The following SMURF1 variants were observed in gnomAD, a reference collection of about 807,000 sequenced individuals.
SMURF1 encodes E3 ubiquitin-protein ligase SMURF1.
In SMURF1, 44 loss-of-function variants were observed where a neutral mutation model predicts 98.0. That is an observed-to-expected ratio of 0.45 (90% CI 0.35 to 0.58). SMURF1 has a LOEUF of 0.58. Among genes scored for constraint, SMURF1 ranks in the 20% least tolerant of loss-of-function variants. The pLI is 0.00. For synonymous variants in SMURF1, 396 were observed against 374.9 expected (o/e 1.06, Z -0.65); for missense variants, 687 against 938.4 (o/e 0.73, Z 3.50).
At chr7:99,089,012 T>C (rs984221035) in intron 1 of SMURF1, among the ~76,000 whole-genome samples, 7 of 152,070 alleles carry the variant, frequency 4.6e-5, no homozygotes, top group Non-Finnish European at 1.5e-5. Context: ...GAGACCATCC[T>C]GGCAAACATG....
At chr7:99,045,959 CCAT>C (rs150915616) in intron 10 of SMURF1, among the ~76,000 whole-genome samples, 158 bp from the exon 11 acceptor site, 1,721 of 151,908 alleles carry the variant, frequency 0.011, 36 homozygotes, top group African/African-American at 0.04. Context: ...CTAGTATATT[CCAT>C]CATCTTTTTT....
rs1554453237 is a variant in SMURF1 at position 99,144,015 on chromosome 7, A to AGCCGCCGCCGCCTCC, written c.-250_-236dup. On this transcript the variant is annotated 5_prime_UTR_variant, in exon 1 of 18. Transcript: ENST00000361368. ...CTGCTTCCAGCCGAGCCCAGTCCCG[A>AGCCGCCGCCGCCTCC]GCCGCCGCCGCCTCCGCCGCCGCCT... 3.3e-6 allele frequency: 1 copy of AGCCGCCGCCGCCTCC among 303,084 alleles called. No homozygotes were observed. Among genetic ancestry groups the AGCCGCCGCCGCCTCC allele is most frequent in the African/African-American group, 2.3e-5 (1 of 42,964 alleles). 18.8% of individuals were successfully genotyped at this position (303,084 alleles called of 1,614,324 possible).
At chr7:99,133,677 G>C (rs1797924411) in intron 1 of SMURF1, among the ~76,000 whole-genome samples, 1 of 152,144 alleles carries the variant, frequency 6.6e-6, no homozygotes, top group Admixed American at 6.6e-5. Flanking sequence ...CAACAGAAGT[G>C]TATGCAAATA....
intron 10 of SMURF1, 121 bp from the exon 11 acceptor site, chr7:99,045,922 C>A: frequency 1.4e-6 from 1 of 704,296 alleles, no homozygotes; most frequent in Non-Finnish European, 2.5e-6. Context: ...TTTTATCTGG[C>A]TCCTCATCAG....
chr7:99,048,724 G>A (rs911124865), intron 9 of SMURF1: 1 of 152,220 alleles, frequency 6.6e-6, no homozygotes, highest in Admixed American at 6.5e-5. Flanking sequence ...AAAGGAGTAG[G>A]ATTAGTACGG....
chr7:99,041,616 G>A (rs747830619), intron 12 of SMURF1, among the ~76,000 whole-genome samples: 3 of 152,250 alleles, frequency 2.0e-5, no homozygotes, highest in Non-Finnish European at 4.4e-5. Flanking sequence ...GGTGAAGGCC[G>A]TGGTGCCACA....
intron 1 of SMURF1, among the ~76,000 whole-genome samples, chr7:99,125,033 G>A (rs1797714950): frequency 6.6e-6 from 1 of 151,364 alleles, no homozygotes; most frequent in South Asian, 2.1e-4. Context: ...ACAACCTAGA[G>A]CATAGTAGTT....
rs1281105661 is a variant in SMURF1 at position 99,038,411 on chromosome 7, C to T, written c.1665G>A (p.Glu555=). The T allele has an allele frequency of 1.2e-6, 2 of 1,614,246 alleles. No homozygotes were observed. Among genetic ancestry groups the T allele is most frequent in the African/African-American group, 1.3e-5 (1 of 75,072 alleles). ...KPNGRNVPVT[E]ENKKEYVRLY... is the part of the protein sequence containing the mutation. ...ACCGGACGTATTCTTTCTTATTCTC[C>T]TCTGTGACTGGCACATTTCTGCCAT... Residue 555 remains glutamate, a synonymous_variant, in exon 14 of 18, where the codon GAG becomes GAA. Coordinates refer to ENST00000361368, the MANE Select transcript of SMURF1 (RefSeq NM_181349.3).
chr7:99,036,858 C>A (rs912552712), intron 15 of SMURF1, among the ~76,000 whole-genome samples: 4 of 152,152 alleles, frequency 2.6e-5, no homozygotes, highest in African/African-American at 9.7e-5. Context: ...AGATTTCCTA[C>A]CGCCAAGCAG....
intron 1 of SMURF1, among the ~76,000 whole-genome samples, chr7:99,112,187 G>A (rs1423173942): frequency 6.6e-6 from 1 of 152,136 alleles, no homozygotes; most frequent in Non-Finnish European, 1.5e-5. Flanking sequence ...ACCTAAGAGG[G>A]CCCTAAGCTC....
Position 99,143,805 on chromosome 7 carries a change from CG to C in SMURF1, c.-26del. ...TCTCCCGCCAACGATCGGGCAGCCG[CG>C]GATCCAGCGCCACCGCCCCCCAGCC... On this transcript the variant is annotated 5_prime_UTR_variant, in exon 1 of 18. Transcript: ENST00000361368. The C allele has an allele frequency of 1.3e-6, 2 of 1,531,120 alleles. No homozygotes were observed. The highest frequency in any genetic ancestry group is 1.8e-6 in the Non-Finnish European group (2 of 1,140,416). The allele number at this position is 1,531,120 out of a possible 1,614,324, so 94.8% of individuals were successfully genotyped here. A position where few individuals can be genotyped will look rare whatever the true frequency, so the allele number is the denominator to read the frequency against.
chr7:99,037,352 C>T (rs548426136), intron 14 of SMURF1, among the ~76,000 whole-genome samples, 165 bp from the exon 15 acceptor site: 2 of 152,270 alleles, frequency 1.3e-5, no homozygotes, highest in Admixed American at 6.5e-5. Context: ...ATTCTTCTGC[C>T]TCACCCTCCC....
intron 1 of SMURF1, among the ~76,000 whole-genome samples, chr7:99,107,834 C>A (rs1402746682): frequency 2.6e-5 from 4 of 152,142 alleles, no homozygotes; most frequent in African/African-American, 7.2e-5. Flanking sequence ...ATTAGTAACA[C>A]CACCAGCATA....
At chr7:99,041,331 G>T (rs1376394983) in intron 12 of SMURF1, among the ~76,000 whole-genome samples, 1 of 152,156 alleles carries the variant, frequency 6.6e-6, no homozygotes, top group Admixed American at 6.5e-5. Flanking sequence ...GAACCTGGGA[G>T]GCAGAGGTTG....
chr7:99,143,842 C>T lies in SMURF1; in HGVS notation c.-62G>A, dbSNP rs1447382575. On this transcript the variant is annotated 5_prime_UTR_variant, in exon 1 of 18. Coordinates refer to ENST00000361368, the MANE Select transcript of SMURF1 (RefSeq NM_181349.3). ...CACCGCCCCCCAGCCCGGCCCGGCC[C>T]GGCCCCGCCGCCGCCGCCTCAAGGT... 1.4e-6 allele frequency: 2 copies of T among 1,416,888 alleles called. No individual in the cohort carries two copies. The highest frequency in any genetic ancestry group is 1.5e-5 in the African/African-American group (1 of 65,948). The allele number at this position is 1,416,888 out of a possible 1,614,324, so 87.8% of individuals were successfully genotyped here.
chr7:99,045,596 G>T, intron 11 of SMURF1, 102 bp downstream of exon 11: 2 of 929,202 alleles, frequency 2.2e-6, no homozygotes, highest in Admixed American at 2.0e-5. Flanking sequence ...CATCAGCCCT[G>T]CCCAGGAGTG....
intron 11 of SMURF1, 29 bp downstream of exon 11, chr7:99,045,669 C>T: frequency 6.4e-7 from 1 of 1,557,334 alleles, no homozygotes; most frequent in African/African-American, 1.4e-5. Flanking sequence ...ATCCACACAG[C>T]AGAGAAGGTG....
chr7:99,135,112 C>G (rs1391020368), intron 1 of SMURF1, among the ~76,000 whole-genome samples: 1 of 152,136 alleles, frequency 6.6e-6, no homozygotes, highest in African/African-American at 2.4e-5. Flanking sequence ...TTTTAAAATA[C>G]ATTCGGCACA....
chr7:99,118,479 G>T (rs1797512735), intron 1 of SMURF1, among the ~76,000 whole-genome samples: 1 of 152,194 alleles, frequency 6.6e-6, no homozygotes, highest in African/African-American at 2.4e-5. Context: ...ATGAAGTATT[G>T]ATACAAGTTA....
Sources: allele counts gnomAD v4.1 joint callset (sites outside exome capture counted in the v4.1 genomes callset), GRCh38; gene constraint gnomAD v4.1.1; transcripts MANE v1.5; gene names NCBI Gene and HGNC (gene_info 2026-07-23, HGNC 2026-07-21).